The following EPHA5 variants were observed in gnomAD, a reference collection of about 807,000 sequenced individuals.
EPHA5 encodes the protein ephrin type-A receptor 5.
A neutral mutation model predicts 105.0 loss-of-function variants in EPHA5; 60 were observed. The observed-to-expected ratio is 0.57, with a 90% CI of 0.46 to 0.71. EPHA5 has a LOEUF of 0.71. Among genes scored for constraint, EPHA5 ranks in the 30% least tolerant of loss-of-function variants. The probability of loss-of-function intolerance (pLI) is 0.00; values close to 1 mark genes in which losing one functional copy is unlikely to be tolerated. For missense variants in EPHA5, 1,218 were observed against 1,274.7 expected, an observed-to-expected ratio of 0.96 and a Z score of 0.68; for synonymous variants, 513 against 449.1, an observed-to-expected ratio of 1.14 and a Z score of -1.80.
In EPHA5 at chr4:65,366,978, C is replaced by T. The variant is rs1717970207; in HGVS notation, c.1861+379G>A. On this transcript the variant is annotated intron_variant, in intron 9 of 16. Transcript: ENST00000613740. ...ACTAAAAGCTAGAAGAAAAAAAAAA[C>T]CTGAGAAATTTTATTTATTTAACCT... Among the ~76,000 whole-genome samples, 6 of 151,048 alleles carry T rather than the reference C, an allele frequency of 4.0e-5. No individual in the cohort carries two copies. The South Asian group carries it at 1.2e-3, about 31-fold the overall frequency.
chr4:65,348,692 ATATAT>A (rs1722478481), intron 13 of EPHA5, among the ~76,000 whole-genome samples: 4 of 48,352 alleles, frequency 8.3e-5, no homozygotes, highest in African/African-American at 3.5e-4. Flanking sequence ...ATATATATAT[ATATAT>A]AAAATATATA....
chr4:65,524,983 G>T (rs1002511680), intron 3 of EPHA5, among the ~76,000 whole-genome samples: 2 of 151,614 alleles, frequency 1.3e-5, no homozygotes, highest in African/African-American at 4.8e-5. Context: ...ACATCTTTTT[G>T]TGAGTCAGTG....
chr4:65,342,007 G>GT (rs989812293), intron 14 of EPHA5, among the ~76,000 whole-genome samples: 14 of 152,102 alleles, frequency 9.2e-5, no homozygotes, highest in Non-Finnish European at 2.1e-4. Context: ...GATATATTAT[G>GT]TTTTTTTCTT....
intron 3 of EPHA5, among the ~76,000 whole-genome samples, chr4:65,531,742 G>A (rs1426538758): frequency 1.3e-5 from 2 of 151,328 alleles, no homozygotes; most frequent in African/African-American, 4.9e-5. Flanking sequence ...GATATACTGA[G>A]ATGTCTTTGC....
intron 3 of EPHA5, among the ~76,000 whole-genome samples, chr4:65,521,439 G>A (rs1376521775): frequency 6.6e-6 from 1 of 151,810 alleles, no homozygotes; most frequent in African/African-American, 2.4e-5. Context: ...TGAGTTAATG[G>A]GTGTAGCACA....
intron 5 of EPHA5, among the ~76,000 whole-genome samples, chr4:65,445,597 T>C (rs561369378): frequency 6.6e-6 from 1 of 152,278 alleles, no homozygotes; most frequent in South Asian, 2.1e-4. Flanking sequence ...CAGCCTTAAC[T>C]TGCAAGCTTG....
intron 5 of EPHA5, among the ~76,000 whole-genome samples, chr4:65,471,628 A>G (rs1729292711): frequency 6.6e-6 from 1 of 152,174 alleles, no homozygotes; most frequent in African/African-American, 2.4e-5. Flanking sequence ...GTGGAAAGGA[A>G]GCAGATTTGT....
At chr4:65,609,091 A>T (rs185153696) in intron 2 of EPHA5, among the ~76,000 whole-genome samples, 78 of 152,314 alleles carry the variant, frequency 5.1e-4, no homozygotes, top group African/African-American at 1.9e-3. Flanking sequence ...CCATTGGGCA[A>T]CAGAAGCATC....
At chr4:65,346,879 C>T (rs1053346851) in intron 14 of EPHA5, among the ~76,000 whole-genome samples, 1 of 152,140 alleles carries the variant, frequency 6.6e-6, no homozygotes, top group Non-Finnish European at 1.5e-5. Flanking sequence ...TACCTTTCCA[C>T]CCAAACCAAT....
chr4:65,528,137 T>G (rs557271762), intron 3 of EPHA5, among the ~76,000 whole-genome samples: 7 of 151,778 alleles, frequency 4.6e-5, no homozygotes, highest in Admixed American at 1.3e-4. Flanking sequence ...TCCTAACCCA[T>G]TTCTTACATA....
At chr4:65,589,270 G>A (rs1055338819) in intron 3 of EPHA5, among the ~76,000 whole-genome samples, 1 of 151,596 alleles carries the variant, frequency 6.6e-6, no homozygotes, top group Non-Finnish European at 1.5e-5. Flanking sequence ...TGTCCATAAT[G>A]GGAAAACAAA....
chr4:65,574,735 TATATATAC>T (rs1357151643), intron 3 of EPHA5, among the ~76,000 whole-genome samples: 74 of 102,244 alleles, frequency 7.2e-4, no homozygotes, highest in African/African-American at 2.1e-3. Flanking sequence ...TATATACATA[TATATATAC>T]ATATATATAT....
chr4:65,345,794 A>T lies in EPHA5; in HGVS notation c.2595+2260T>A, dbSNP rs544615689. Among the ~76,000 whole-genome samples, 4 of 151,306 alleles carry T rather than the reference A, an allele frequency of 2.6e-5. No homozygotes were observed. In the South Asian group the frequency reaches 8.3e-4, roughly 32 times the overall value. On this transcript the variant is annotated intron_variant, in intron 14 of 16. Transcript: ENST00000613740. ...TTTTCTTTTCTTTTTTTTTCTTGAG[A>T]CAGAGTCTCGCTCTGTCGCCCAGGC...
At chr4:65,384,065 CA>C (rs1389698057) in intron 8 of EPHA5, among the ~76,000 whole-genome samples, 1 of 151,736 alleles carries the variant, frequency 6.6e-6, no homozygotes, top group Admixed American at 6.6e-5. Flanking sequence ...ATTAATGAGT[CA>C]GGAAGGAATA....
intron 7 of EPHA5, among the ~76,000 whole-genome samples, chr4:65,413,940 G>A (rs1285741529): frequency 3.3e-5 from 5 of 152,194 alleles, no homozygotes; most frequent in African/African-American, 9.6e-5. Context: ...ACTAAACCTA[G>A]TAGCCTAGTT....
intron 9 of EPHA5, among the ~76,000 whole-genome samples, chr4:65,366,953 A>G (rs1717966014): frequency 6.6e-6 from 1 of 150,480 alleles, no homozygotes; most frequent in African/African-American, 2.4e-5. Flanking sequence ...GTAAATTCCC[A>G]CTAAAAGCTA....
At chr4:65,416,269 C>G (rs183085821) in intron 6 of EPHA5, among the ~76,000 whole-genome samples, 31 of 152,008 alleles carry the variant, frequency 2.0e-4, no homozygotes, top group Admixed American at 6.6e-4. Flanking sequence ...CATTAGAATT[C>G]CAGCCATATT....
At chr4:65,568,206 A>G (rs1308361173) in intron 3 of EPHA5, among the ~76,000 whole-genome samples, 1 of 151,472 alleles carries the variant, frequency 6.6e-6, no homozygotes, top group Non-Finnish European at 1.5e-5. Context: ...TTAAAGGTAG[A>G]TAGCTCATTG....
At chr4:65,618,340 A>G (rs1745423855) in intron 2 of EPHA5, among the ~76,000 whole-genome samples, 1 of 152,222 alleles carries the variant, frequency 6.6e-6, no homozygotes, top group Non-Finnish European at 1.5e-5. Flanking sequence ...GTATCAAAAG[A>G]CAATTACTAG....
Sources: allele counts gnomAD v4.1 joint callset (sites outside exome capture counted in the v4.1 genomes callset), GRCh38; gene constraint gnomAD v4.1.1; transcripts MANE v1.5; gene names NCBI Gene and HGNC (gene_info 2026-07-23, HGNC 2026-07-21).